The following RPP38 variants were observed in gnomAD, a reference collection of about 807,000 sequenced individuals.
RPP38 encodes the protein ribonuclease P/MRP subunit p38, also known as ribonuclease P protein subunit p38.
RPP38 carries 2 observed loss-of-function variants against 1.7 expected under a neutral mutation model. The observed-to-expected ratio is 1.18, with a 90% CI of 0.48 to 3.70. The LOEUF is 3.70. Ranked by LOEUF, RPP38 falls within the 30% of genes most tolerant of loss-of-function variation. RPP38 has a pLI of 0.07. For missense variants in RPP38, 358 were observed against 340.1 expected (o/e 1.05, Z -0.41); for synonymous variants, 151 against 131.8 (o/e 1.15, Z -1.00).
At chr10:15,099,237 T>C (rs146093900) in intron 1 of RPP38, among the ~76,000 whole-genome samples, 3 of 152,142 alleles carry the variant, frequency 2.0e-5, no homozygotes, top group African/African-American at 7.2e-5. Flanking sequence ...CATTAAATAG[T>C]ATGTTGTTCG....
intron 1 of RPP38, among the ~76,000 whole-genome samples, chr10:15,098,199 C>T (rs1844999131): frequency 6.6e-6 from 1 of 151,344 alleles, no homozygotes. Flanking sequence ...CATCTCTGCC[C>T]CAGCCACATT....
At chr10:15,098,715 G>C (rs1299877727) in intron 1 of RPP38, among the ~76,000 whole-genome samples, 2 of 150,684 alleles carry the variant, frequency 1.3e-5, no homozygotes, top group Non-Finnish European at 3.0e-5. Flanking sequence ...GTGAAACCCC[G>C]TCTCTACTAA....
intron 1 of RPP38, among the ~76,000 whole-genome samples, chr10:15,100,788 C>G (rs1237542054): frequency 1.3e-5 from 2 of 152,014 alleles, no homozygotes; most frequent in Non-Finnish European, 1.5e-5. Context: ...TCAAGAGATT[C>G]TCCTGCCTCA....
At chr10:15,099,807 T>G (rs1049384626) in intron 1 of RPP38, among the ~76,000 whole-genome samples, 15 of 152,230 alleles carry the variant, frequency 9.9e-5, no homozygotes, top group Middle Eastern at 3.4e-3. Context: ...ATTAAAAAAA[T>G]TTTCTGGGCT....
intron 1 of RPP38, among the ~76,000 whole-genome samples, chr10:15,099,589 C>T (rs1845057135): frequency 6.6e-6 from 1 of 151,876 alleles, no homozygotes; most frequent in Non-Finnish European, 1.5e-5. Context: ...ATTCCCCTAC[C>T]TCAGCCACCC....
chr10:15,103,370 T>C lies in RPP38; in HGVS notation c.56T>C (p.Leu19Pro). 6.2e-7 allele frequency: 1 copy of C among 1,612,502 alleles called. No homozygotes were observed. The highest frequency in any genetic ancestry group is 8.5e-7 in the Non-Finnish European group (1 of 1,179,540). ...GRGSLRKTRP[L>P]VVKTSLNNPY... ...GGATCTCTCCGTAAGACGAGACCTC[T>C]GGTTGTGAAGACGTCGTTGAACAAC... Residue 19 changes from leucine (L) to proline (P), a missense_variant, in exon 3 of 3, where the codon CTG becomes CCG. By Grantham distance (98) the Leu-to-Pro change is moderately conservative. Coordinates refer to ENST00000378197, the MANE Select transcript of RPP38 (RefSeq NM_183005.5).
intron 1 of RPP38, among the ~76,000 whole-genome samples, chr10:15,101,432 G>A (rs1845104900): frequency 6.6e-6 from 1 of 152,152 alleles, no homozygotes; most frequent in Admixed American, 6.6e-5. Context: ...TTGCCTCTGG[G>A]AAGGATAAAA....
rs943129881 is a variant in RPP38 at position 15,097,590 on chromosome 10, G to C, written c.-306G>C. 2.0e-5 allele frequency: 3 copies of C among 152,314 alleles called. No homozygotes were observed. Among genetic ancestry groups the C allele is most frequent in the Admixed American group, 2.0e-4 (3 of 15,292 alleles). 9.4% of individuals were successfully genotyped at this position (152,314 alleles called of 1,614,324 possible). A position where few individuals can be genotyped will look rare whatever the true frequency, so the allele number is the denominator to read the frequency against. On this transcript the variant is annotated 5_prime_UTR_variant, in exon 1 of 3. Transcript: ENST00000378197. Reference sequence around the variant, plus strand: ...GTTGGGCCGCCCAGTCCCGGGCCGGGCGCGTGCACCCAGAGCTTCCGCGTT... The same window carrying C: ...GTTGGGCCGCCCAGTCCCGGGCCGGCCGCGTGCACCCAGAGCTTCCGCGTT...
At chr10:15,099,250 G>T (rs1253482353) in intron 1 of RPP38, among the ~76,000 whole-genome samples, 1 of 152,166 alleles carries the variant, frequency 6.6e-6, no homozygotes, top group East Asian at 1.9e-4. Context: ...GTTGTTCGGT[G>T]TTGAGGACTT....
intron 1 of RPP38, among the ~76,000 whole-genome samples, chr10:15,098,226 G>GCT (rs755349303): frequency 2.3e-5 from 2 of 88,010 alleles, no homozygotes; most frequent in Non-Finnish European, 4.1e-5. Context: ...ATTTGAACGT[G>GCT]TTTTTTTTTT....
At chr10:15,099,257 A>T (rs1485549208) in intron 1 of RPP38, among the ~76,000 whole-genome samples, 2 of 152,050 alleles carry the variant, frequency 1.3e-5, no homozygotes, top group South Asian at 2.1e-4. Flanking sequence ...GGTGTTGAGG[A>T]CTTGTGCTTG....
rs748098331 is a variant in RPP38 at position 15,103,800 on chromosome 10, C to A, written c.486C>A (p.Pro162=). Residue 162 remains proline (P), a synonymous_variant, in exon 3 of 3, where the codon CCC becomes CCA. Transcript: ENST00000378197. ...LSRSVPACQV[P]RLSERIAPVI... is the part of the protein sequence containing the mutation. Reference sequence around the variant, plus strand: ...GAAGTGTCCCTGCCTGTCAGGTCCCCCGGCTCAGTGAGAGAATCGCCCCCG... The same window carrying A: ...GAAGTGTCCCTGCCTGTCAGGTCCCACGGCTCAGTGAGAGAATCGCCCCCG... 28 of 1,613,898 alleles carry A rather than the reference C, an allele frequency of 1.7e-5. No homozygotes were observed. Among genetic ancestry groups the A allele is most frequent in the Non-Finnish European group, 2.4e-5 (28 of 1,180,042 alleles).
rs1054103444 is a variant in RPP38, at chr10:15,104,185, T to G, written c.*19T>G. ...AAAGTAATCTTGCATAAACTTGTCA[T>G]GTCATACAGTTTGTGAAAGGACACC... On this transcript the variant is annotated 3_prime_UTR_variant, in exon 3 of 3. Coordinates refer to ENST00000378197, the MANE Select transcript of RPP38 (RefSeq NM_183005.5). 1.4e-5 allele frequency: 21 copies of G among 1,544,938 alleles called. No homozygotes were observed. Among genetic ancestry groups the G allele is most frequent in the Admixed American group, 4.5e-5 (2 of 44,604 alleles).
At chr10:15,100,099 G>A (rs999744338) in intron 1 of RPP38, among the ~76,000 whole-genome samples, 6 of 152,146 alleles carry the variant, frequency 3.9e-5, no homozygotes, top group African/African-American at 1.4e-4. Flanking sequence ...ATTATATTGC[G>A]TGAGATTATG....
chr10:15,103,773 C>T lies in RPP38; in HGVS notation c.459C>T (p.Ser153=), dbSNP rs1444052557. Reference sequence around the variant, plus strand: ...CACACTTGATTCAGTTAAGCCTAAGCAGAAGTGTCCCTGCCTGTCAGGTCC... The same window carrying T: ...CACACTTGATTCAGTTAAGCCTAAGTAGAAGTGTCCCTGCCTGTCAGGTCC... ...ITSHLIQLSL[S]RSVPACQVPR... The change falls in exon 3 of 3, where the codon AGC becomes AGT. Residue 153 remains serine, a synonymous_variant. Coordinates refer to ENST00000378197, the MANE Select transcript of RPP38 (RefSeq NM_183005.5). 1 of 1,613,988 alleles carries T rather than the reference C, an allele frequency of 6.2e-7. No homozygotes were observed.
At chr10:15,100,496 G>A (rs1845078881) in intron 1 of RPP38, among the ~76,000 whole-genome samples, 1 of 151,978 alleles carries the variant, frequency 6.6e-6, no homozygotes, top group African/African-American at 2.4e-5. Flanking sequence ...TTGCTGTACC[G>A]AGATGACCAG....
chr10:15,100,469 C>T (rs1265767983), intron 1 of RPP38, among the ~76,000 whole-genome samples: 1 of 151,972 alleles, frequency 6.6e-6, no homozygotes, highest in East Asian at 1.9e-4. Flanking sequence ...CAGCTTAGGC[C>T]CCAGAAGTCT....
Position 15,103,806 on chromosome 10 carries a change from C to T in RPP38, c.492C>T (p.Leu164=). Residue 164 remains leucine, a synonymous_variant, in exon 3 of 3, where the codon CTC becomes CTT. Coordinates refer to ENST00000378197, the MANE Select transcript of RPP38 (RefSeq NM_183005.5). ...TCCCTGCCTGTCAGGTCCCCCGGCT[C>T]AGTGAGAGAATCGCCCCCGTCATTG... The part of the protein sequence containing the change: ...RSVPACQVPR[L]SERIAPVIGL... The T allele has an allele frequency of 3.7e-6, 6 of 1,614,018 alleles. No individual in the cohort carries two copies. The highest frequency in any genetic ancestry group is 5.1e-6 in the Non-Finnish European group (6 of 1,180,042).
chr10:15,101,631 C>G (rs1056055895), intron 1 of RPP38, among the ~76,000 whole-genome samples: 2 of 152,186 alleles, frequency 1.3e-5, no homozygotes, highest in Non-Finnish European at 1.5e-5. Flanking sequence ...TGGCTCGTTC[C>G]TGTAATCCCA....
Sources: allele counts gnomAD v4.1 joint callset (sites outside exome capture counted in the v4.1 genomes callset), GRCh38; gene constraint gnomAD v4.1.1; transcripts MANE v1.5; gene names NCBI Gene and HGNC (gene_info 2026-07-23, HGNC 2026-07-21).